URI1: variants seen among roughly 807,000 people sequenced by gnomAD.
The protein encoded by URI1 is URI1 prefoldin like chaperone.
In URI1, 39 loss-of-function variants were observed where a neutral mutation model predicts 60.2. That is an observed-to-expected ratio of 0.65 (90% CI 0.50 to 0.85). The LOEUF is 0.85. Ranked by LOEUF, URI1 falls within the 40% of genes least tolerant of loss-of-function variation. The pLI is 0.00. For missense variants in URI1, 691 were observed against 665.9 expected, an observed-to-expected ratio of 1.04 and a Z score of -0.42; for synonymous variants, 251 against 236.8, an observed-to-expected ratio of 1.06 and a Z score of -0.55.
Position 29,978,019 on chromosome 19 carries a change from T to C in URI1, c.152+6792T>C, listed in dbSNP as rs162922. Among the ~76,000 whole-genome samples, 1,282 of 152,304 alleles carry C rather than the reference T, an allele frequency of 8.4e-3. 22 individuals carry two copies. Among genetic ancestry groups the C allele is most frequent in the African/African-American group, 0.03 (1,230 of 41,566 alleles). Reference sequence around the variant, plus strand: ...AACATTCCCTTTTATTCCCTCTAGCTTCTTAATTCTGTATGTGTATTTATG... The same window carrying C: ...AACATTCCCTTTTATTCCCTCTAGCCTCTTAATTCTGTATGTGTATTTATG... On this transcript the variant is annotated intron_variant, in intron 2 of 10. Coordinates refer to ENST00000392271, the MANE Select transcript of URI1 (RefSeq NM_003796.3).
chr19:30,013,188 G>A (rs965078461), intron 10 of URI1, among the ~76,000 whole-genome samples: 1 of 152,184 alleles, frequency 6.6e-6, no homozygotes, highest in African/African-American at 2.4e-5. Flanking sequence ...GTTTTGGTGC[G>A]TATTTGAAGT....
intron 2 of URI1, among the ~76,000 whole-genome samples, chr19:29,975,502 T>C (rs1027671877): frequency 0.024 from 47 of 1,960 alleles, no homozygotes; most frequent in Admixed American, 0.066. Context: ...TCTGTTTACT[T>C]TTTTTTTTTT....
At chr19:29,936,571 T>G (rs1192629434) in intron 1 of URI1, among the ~76,000 whole-genome samples, 1 of 152,240 alleles carries the variant, frequency 6.6e-6, no homozygotes, top group African/African-American at 2.4e-5. Flanking sequence ...GCTTGTAATT[T>G]GTTAAGCTTC....
At chr19:29,986,126 T>C (rs565289069) in intron 3 of URI1, among the ~76,000 whole-genome samples, 156 bp from the exon 4 acceptor site, 2 of 152,354 alleles carry the variant, frequency 1.3e-5, no homozygotes, top group African/African-American at 4.8e-5. Flanking sequence ...AAAATTTTAA[T>C]ATAGTGTTGA....
intron 6 of URI1, among the ~76,000 whole-genome samples, chr19:30,006,115 G>C (rs545050992): frequency 5.3e-5 from 8 of 152,162 alleles, no homozygotes; most frequent in African/African-American, 1.4e-4. Flanking sequence ...AAGAATGAAT[G>C]AATGTGGGTG....
intron 1 of URI1, among the ~76,000 whole-genome samples, chr19:29,963,291 C>T (rs956292533): frequency 6.6e-6 from 1 of 152,076 alleles, no homozygotes; most frequent in Non-Finnish European, 1.5e-5. Flanking sequence ...TCTGTATTTT[C>T]CATGTTTTAT....
intron 4 of URI1, among the ~76,000 whole-genome samples, chr19:29,988,553 T>G (rs1167111972): frequency 6.6e-6 from 1 of 152,248 alleles, no homozygotes; most frequent in Non-Finnish European, 1.5e-5. Flanking sequence ...CTTTTGAGAT[T>G]AGCTTCTTCA....
intron 2 of URI1, among the ~76,000 whole-genome samples, chr19:29,984,021 A>G (rs2055630017): frequency 6.6e-6 from 1 of 152,208 alleles, no homozygotes; most frequent in Admixed American, 6.5e-5. Flanking sequence ...AGAGCTGATG[A>G]TGCATTTTTC....
chr19:29,976,653 G>A (rs374142444), intron 2 of URI1, among the ~76,000 whole-genome samples: 1 of 152,188 alleles, frequency 6.6e-6, no homozygotes, highest in African/African-American at 2.4e-5. Flanking sequence ...CAAAAAGGAA[G>A]TCTCCGTCCT....
chr19:29,966,328 G>A (rs2055390927), intron 1 of URI1, among the ~76,000 whole-genome samples: 1 of 151,978 alleles, frequency 6.6e-6, no homozygotes, highest in African/African-American at 2.4e-5. Flanking sequence ...TGGTAGAGAC[G>A]GGGTTTCACC....
chr19:29,998,578 A>G (rs1352336083), intron 4 of URI1, among the ~76,000 whole-genome samples: 1 of 151,996 alleles, frequency 6.6e-6, no homozygotes, highest in African/African-American at 2.4e-5. Context: ...GTCTCTTGTG[A>G]CTTTTTTAAT....
At chr19:30,012,239 TTA>T (rs780951358) in intron 9 of URI1, 44 bp from the exon 10 acceptor site, 1 of 1,524,280 alleles carries the variant, frequency 6.6e-7, no homozygotes, top group South Asian at 1.3e-5. Context: ...GTTCTCAGTT[TTA>T]TGAGTTACGT....
chr19:29,952,961 A>C (rs1210158070), intron 1 of URI1, among the ~76,000 whole-genome samples: 1 of 152,172 alleles, frequency 6.6e-6, no homozygotes, highest in Non-Finnish European at 1.5e-5. Context: ...TGCCAGATCC[A>C]AGGTCTTGAA....
At chr19:29,956,351 C>A in intron 1 of URI1, 17 of 744,798 alleles carry the variant, frequency 2.3e-5, no homozygotes, top group East Asian at 1.1e-4. Flanking sequence ...ATTGAAATAT[C>A]ACAAGTATGT....
chr19:29,945,478 C>T (rs2055092170), intron 1 of URI1, among the ~76,000 whole-genome samples: 1 of 152,154 alleles, frequency 6.6e-6, no homozygotes. Flanking sequence ...CAAGCCACAA[C>T]CTCTAAGTGA....
At chr19:29,970,421 T>A (rs1462019950) in intron 1 of URI1, among the ~76,000 whole-genome samples, 1 of 152,112 alleles carries the variant, frequency 6.6e-6, no homozygotes, top group East Asian at 1.9e-4. Context: ...AATTCTTAAA[T>A]TGTCATTCAA....
chr19:29,941,613 T>A (rs1169904711), upstream of URI1, among the ~76,000 whole-genome samples: 20 of 148,686 alleles, frequency 1.3e-4, no homozygotes, highest in African/African-American at 4.5e-4. Flanking sequence ...AGACCAAGAC[T>A]CAGTCTCTTA....
intron 3 of URI1, 36 bp from the exon 4 acceptor site, chr19:29,986,246 T>C (rs1185610692): frequency 6.6e-7 from 1 of 1,526,426 alleles, no homozygotes; most frequent in African/African-American, 1.4e-5. Flanking sequence ...CAGTGTTTTA[T>C]GTTTTTTCCC....
At chr19:29,923,802 G>A (rs914466860) in intron 1 of URI1, 4 of 1,516,750 alleles carry the variant, frequency 2.6e-6, no homozygotes, top group Non-Finnish European at 3.5e-6. Context: ...GTTAGTGTGA[G>A]GTTTGAGGAT....
Sources: gnomAD v4.1 joint callset for allele counts (sites outside exome capture counted in the v4.1 genomes callset) on GRCh38, gnomAD v4.1.1 for gene constraint, MANE v1.5 for transcripts, NCBI Gene and HGNC (gene_info 2026-07-23, HGNC 2026-07-21) for gene names.